EDNRB: variants seen among roughly 807,000 people sequenced by gnomAD.
EDNRB encodes endothelin receptor type B, also known as Hirschsprung disease 2.
Under a neutral mutation model 46.4 loss-of-function variants are expected in EDNRB, and 18 were observed. That is an observed-to-expected ratio of 0.39 (90% confidence interval 0.27 to 0.57). The LOEUF (loss-of-function observed/expected upper bound fraction) is 0.57, where lower values mean the gene tolerates loss of function less well. Ranked by LOEUF, EDNRB falls within the 20% of genes least tolerant of loss-of-function variation. The probability of loss-of-function intolerance (pLI) is 0.61; values close to 1 mark genes in which losing one functional copy is unlikely to be tolerated. For synonymous variants in EDNRB, 213 were observed against 204.9 expected (o/e 1.04, Z -0.34); for missense variants, 434 against 537.5 (o/e 0.81, Z 1.90).
chr13:77,949,381 G>T (rs1321764740), intron 1 of EDNRB, among the ~76,000 whole-genome samples: 1 of 152,150 alleles, frequency 6.6e-6, no homozygotes, highest in Non-Finnish European at 1.5e-5. Flanking sequence ...TGAGATGAGG[G>T]TTCCCTGTTG....
intron 1 of EDNRB, among the ~76,000 whole-genome samples, chr13:77,931,846 AG>A (rs1002931104): frequency 6.6e-6 from 1 of 151,972 alleles, no homozygotes; most frequent in Non-Finnish European, 1.5e-5. Context: ...CAATGAAAAT[AG>A]TTATGATTTG....
intron 1 of EDNRB, among the ~76,000 whole-genome samples, chr13:77,962,110 A>G (rs1159233346): frequency 6.6e-6 from 1 of 152,188 alleles, no homozygotes; most frequent in Non-Finnish European, 1.5e-5. Context: ...TAGACCAATA[A>G]CAGGCTCTGA....
Position 77,900,506 on chromosome 13 carries a change from G to C in EDNRB, c.1085+15C>G. 3 of 1,611,998 alleles carry C rather than the reference G, an allele frequency of 1.9e-6. No individual in the cohort carries two copies. The highest frequency in any genetic ancestry group is 2.5e-6 in the Non-Finnish European group (3 of 1,178,686). ...GCATTTATTTACAAAACCATTTCTA[G>C]TTTGCCTTTCTTACCTCAAAAGTTC... On this transcript the variant is annotated intron_variant, in intron 5 of 6. Transcript: ENST00000646607.
chr13:77,958,548 A>AT (rs1390766896), intron 1 of EDNRB, among the ~76,000 whole-genome samples: 9 of 151,450 alleles, frequency 5.9e-5, no homozygotes, highest in Non-Finnish European at 1.3e-4. Context: ...AATTTTTTGT[A>AT]TTTTTTCAGT....
intron 1 of EDNRB, among the ~76,000 whole-genome samples, chr13:77,946,547 ATTTGCC>A (rs1419401688): frequency 2.0e-5 from 3 of 152,064 alleles, no homozygotes; most frequent in African/African-American, 7.2e-5. Context: ...CTCATGAATC[ATTTGCC>A]TTTTCTATTA....
At position 77,896,699 on chromosome 13, in the gene EDNRB, T is replaced by C. The variant is rs954198972; in HGVS notation, c.*1501A>G. 7.0e-7 allele frequency: 1 copy of C among 1,430,908 alleles called. No individual in the cohort carries two copies. Among genetic ancestry groups the C allele is most frequent in the African/African-American group, 1.5e-5 (1 of 68,800 alleles). 88.6% of individuals were successfully genotyped at this position (1,430,908 alleles called of 1,614,324 possible). A position where few individuals can be genotyped will look rare whatever the true frequency, so the allele number is the denominator to read the frequency against. On this transcript the variant is annotated 3_prime_UTR_variant, in exon 7 of 7. Transcript: ENST00000646607. ...ACAAAATCAGGACCTTTTGCATTGATGTGACGAGGCAATGACGAACGTTAG... is the reference window on the plus strand; with the variant it reads ...ACAAAATCAGGACCTTTTGCATTGACGTGACGAGGCAATGACGAACGTTAG...
At position 77,896,520 on chromosome 13, in the gene EDNRB, A is replaced by C. The variant is rs1878633441; in HGVS notation, c.*1680T>G. ...TACCATCACATTCAATATTGACAGAAAACAACATTACTAGCTTATTTCCAA... is the reference window on the plus strand; with the variant it reads ...TACCATCACATTCAATATTGACAGACAACAACATTACTAGCTTATTTCCAA... On this transcript the variant is annotated 3_prime_UTR_variant, in exon 7 of 7. Transcript: ENST00000646607. The C allele has an allele frequency of 6.3e-7, 1 of 1,577,494 alleles. No individual in the cohort carries two copies. Among genetic ancestry groups the C allele is most frequent in the Non-Finnish European group, 8.6e-7 (1 of 1,159,402 alleles).
At chr13:77,917,756 T>C (rs1194993015) in intron 1 of EDNRB, among the ~76,000 whole-genome samples, 1 of 152,224 alleles carries the variant, frequency 6.6e-6, no homozygotes, top group African/African-American at 2.4e-5. Flanking sequence ...ACTCCAGAGT[T>C]TCTGATTCAG....
chr13:77,971,758 G>T (rs1366865214), intron 1 of EDNRB, among the ~76,000 whole-genome samples: 1 of 152,130 alleles, frequency 6.6e-6, no homozygotes, highest in Admixed American at 6.5e-5. Flanking sequence ...GACTCCAATT[G>T]CATCTAAATA....
rs12720148 is a variant in EDNRB, at chr13:77,943,364, G to T, written c.-51-24740C>A. Among the ~76,000 whole-genome samples, 1,119 of 152,098 alleles carry T rather than the reference G, an allele frequency of 7.4e-3. 35 individuals carry two copies. The East Asian group carries it at 0.082, about 11-fold the overall frequency. On this transcript the variant is annotated intron_variant, in intron 1 of 7. Coordinates refer to the EDNRB transcript ENST00000646948. ...TGGATAATCTCTATTAATGATGGAG[G>T]TTTCTCATATACTCATGCATTTCAT...
chr13:77,919,681 C>G (rs3759476), upstream of EDNRB: 1 of 1,478,202 alleles, frequency 6.8e-7, no homozygotes, highest in Non-Finnish European at 9.2e-7. Context: ...CAACCTTTCC[C>G]CTTGGGCGAT....
In EDNRB at chr13:77,899,961, C is replaced by T. The variant is rs1254001673; in HGVS notation, c.1092G>A (p.Leu364=). 3 of 1,611,196 alleles carry T rather than the reference C, an allele frequency of 1.9e-6. No homozygotes were observed. Among genetic ancestry groups the T allele is most frequent in the African/African-American group, 2.7e-5 (2 of 74,738 alleles). Residue 364 remains leucine (L), a synonymous_variant, in exon 6 of 7, where the codon CTG becomes CTA. Coordinates refer to ENST00000646607, the MANE Select transcript of EDNRB (RefSeq NM_001122659.3). ...DPNRCELLSF[L]LVLDYIGINM... is the part of the protein sequence containing the mutation. Reference sequence around the variant, plus strand: ...TGATACCAATATAGTCCAATACCAACAGAAAGCTGCAACAAAATAACCCAA... The same window carrying T: ...TGATACCAATATAGTCCAATACCAATAGAAAGCTGCAACAAAATAACCCAA...
chr13:77,928,659 T>C (rs1232261039), intron 1 of EDNRB, among the ~76,000 whole-genome samples: 1 of 152,180 alleles, frequency 6.6e-6, no homozygotes, highest in Non-Finnish European at 1.5e-5. Context: ...CTGGCCTTTT[T>C]CCTTCAGAAT....
In EDNRB at chr13:77,900,296, G is replaced by T. The variant is rs112964892; in HGVS notation, c.1085+225C>A. On this transcript the variant is annotated intron_variant, in intron 5 of 6. Coordinates refer to ENST00000646607, the MANE Select transcript of EDNRB (RefSeq NM_001122659.3). The stretch of plus-strand genomic sequence containing the variant: ...ATCGGACCTGACATTTTCCGCCTTG[G>T]CACTCACTCATCATCTTGACAACTC... Among the ~76,000 whole-genome samples, 503 of 151,852 alleles carry T rather than the reference G, an allele frequency of 3.3e-3. 6 individuals carry two copies. Among genetic ancestry groups the T allele is most frequent in the Middle Eastern group, 6.8e-3 (2 of 294 alleles).
At chr13:77,900,725 G>T (rs1407644387) in intron 4 of EDNRB, 71 bp from the exon 5 acceptor site, 3 of 1,595,436 alleles carry the variant, frequency 1.9e-6, no homozygotes, top group South Asian at 2.2e-5. Flanking sequence ...CTTCTAAAAC[G>T]ACATTTAATA....
intron 1 of EDNRB, among the ~76,000 whole-genome samples, chr13:77,907,613 G>A (rs1879346037): frequency 6.6e-6 from 1 of 151,752 alleles, no homozygotes; most frequent in African/African-American, 2.4e-5. Context: ...TTCAAATAAT[G>A]TACAAACATT....
At chr13:77,959,495 G>A (rs762803814) in intron 1 of EDNRB, among the ~76,000 whole-genome samples, 5 of 152,208 alleles carry the variant, frequency 3.3e-5, no homozygotes, top group Non-Finnish European at 5.9e-5. Context: ...CTGTTAGAAG[G>A]AAGACTAACA....
At chr13:77,914,834 C>A (rs993577368) in intron 1 of EDNRB, among the ~76,000 whole-genome samples, 6 of 152,174 alleles carry the variant, frequency 3.9e-5, no homozygotes, top group Non-Finnish European at 8.8e-5. Flanking sequence ...CCAATAAGAG[C>A]TATGACATTT....
At chr13:77,910,896 A>G (rs909616142) in intron 1 of EDNRB, among the ~76,000 whole-genome samples, 6 of 152,096 alleles carry the variant, frequency 3.9e-5, no homozygotes, top group African/African-American at 9.7e-5. Context: ...CTTGAAACAA[A>G]ATCTCTAAGA....
Sources: gnomAD v4.1 joint callset for allele counts (sites outside exome capture counted in the v4.1 genomes callset) on GRCh38, gnomAD v4.1.1 for gene constraint, MANE v1.5 for transcripts, NCBI Gene and HGNC (gene_info 2026-07-23, HGNC 2026-07-21) for gene names.